AK9: variants seen among roughly 807,000 people sequenced by gnomAD.
AK9 encodes the protein adenylate kinase 9.
Under a neutral mutation model 239.6 loss-of-function variants are expected in AK9, and 191 were observed. The observed-to-expected ratio is 0.80, with a 90% CI of 0.71 to 0.90. AK9 has a LOEUF of 0.90. Among genes scored for constraint, AK9 ranks in the 40% least tolerant of loss-of-function variants. The pLI is 0.00. For synonymous variants in AK9, 689 were observed against 721.0 expected (o/e 0.96, Z 0.71); for missense variants, 1,995 against 2,214.7 (o/e 0.90, Z 1.99).
chr6:109,509,694 A>G (rs1778485385), intron 32 of AK9, among the ~76,000 whole-genome samples: 1 of 152,136 alleles, frequency 6.6e-6, no homozygotes, highest in Admixed American at 6.5e-5. Flanking sequence ...AGCCAGGAGC[A>G]GGTAAGACCT....
At position 109,585,122 on chromosome 6, in the gene AK9, C is replaced by T; in HGVS notation, c.2114+1G>A. 1 of 1,144,598 alleles carries T rather than the reference C, an allele frequency of 8.7e-7. No individual in the cohort carries two copies. The highest frequency in any genetic ancestry group is 1.1e-6 in the Non-Finnish European group (1 of 907,884). 70.9% of individuals were successfully genotyped at this position (1,144,598 alleles called of 1,614,324 possible). A position where few individuals can be genotyped will look rare whatever the true frequency, so the allele number is the denominator to read the frequency against. ...GTTTTATCATTCTAGGCAGATTTTACCTTGCTTCTTCTTCTTCTTTTTTTT... is the reference window on the plus strand; with the variant it reads ...GTTTTATCATTCTAGGCAGATTTTATCTTGCTTCTTCTTCTTCTTTTTTTT... On this transcript the variant is annotated splice_donor_variant, in intron 19 of 40. Coordinates refer to ENST00000424296, the MANE Select transcript of AK9 (RefSeq NM_001145128.3). LOFTEE classifies it high-confidence loss of function.
At chr6:109,644,486 G>T (rs992718295) in intron 9 of AK9, 128 bp downstream of exon 9, 13 of 764,552 alleles carry the variant, frequency 1.7e-5, no homozygotes, top group Non-Finnish European at 2.4e-5. Context: ...TAAGTGTTAA[G>T]ACAGATTGTT....
At chr6:109,620,021 G>A (rs190137048) in intron 12 of AK9, among the ~76,000 whole-genome samples, 2 of 152,150 alleles carry the variant, frequency 1.3e-5, no homozygotes, top group African/African-American at 4.8e-5. Context: ...GGATTTCATT[G>A]TATGAATATA....
At chr6:109,687,968 T>TTGCTTC (rs1236952020) in intron 1 of AK9, among the ~76,000 whole-genome samples, 3 of 152,064 alleles carry the variant, frequency 2.0e-5, no homozygotes, top group African/African-American at 7.3e-5. Context: ...GAGCCAATCT[T>TTGCTTC]TGCTTCTGGT....
chr6:109,658,092 CT>C (rs1296141001), intron 7 of AK9, among the ~76,000 whole-genome samples: 8 of 152,280 alleles, frequency 5.3e-5, no homozygotes, highest in African/African-American at 1.9e-4. Flanking sequence ...ATGTTTCAGG[CT>C]TTTCACAATT....
At chr6:109,544,734 A>G (rs1237312694) in intron 26 of AK9, among the ~76,000 whole-genome samples, 1 of 152,216 alleles carries the variant, frequency 6.6e-6, no homozygotes, top group Non-Finnish European at 1.5e-5. Flanking sequence ...GTATTTCTTT[A>G]TAGCAACGAG....
At chr6:109,533,010 G>A (rs1327866569) in intron 28 of AK9, among the ~76,000 whole-genome samples, 1 of 152,164 alleles carries the variant, frequency 6.6e-6, no homozygotes, top group Non-Finnish European at 1.5e-5. Flanking sequence ...GGAGAGGGAA[G>A]TCTTGGCAGT....
chr6:109,680,331 G>A (rs1234276590), intron 1 of AK9, among the ~76,000 whole-genome samples: 3 of 152,068 alleles, frequency 2.0e-5, no homozygotes, highest in Non-Finnish European at 2.9e-5. Flanking sequence ...TAGCCGAATC[G>A]ATCAAGTGGA....
intron 31 of AK9, among the ~76,000 whole-genome samples, chr6:109,515,228 G>C (rs1295245466): frequency 1.3e-5 from 2 of 152,118 alleles, no homozygotes; most frequent in African/African-American, 4.8e-5. Flanking sequence ...ATACTAGTAG[G>C]GCAAATCCCA....
At chr6:109,611,974 A>G (rs1187203347) in intron 16 of AK9, 36 bp downstream of exon 16, 1 of 1,366,530 alleles carries the variant, frequency 7.3e-7, no homozygotes, top group Non-Finnish European at 1.0e-6. Flanking sequence ...TAGAACCACA[A>G]TCTAAAAGAA....
At chr6:109,526,848 C>T (rs9374092) in intron 29 of AK9, among the ~76,000 whole-genome samples, 88,426 of 151,876 alleles carry the variant, frequency 0.58, 27,422 homozygotes, top group South Asian at 0.84. Context: ...GTGTATCAAC[C>T]TTTGGGTCTA....
Position 109,672,096 on chromosome 6 carries a change from GA to G in AK9, c.234+18del, listed in dbSNP as rs766479721. 6.8e-6 allele frequency: 11 copies of G among 1,612,932 alleles called. No individual in the cohort carries two copies. The African/African-American group carries it at 1.1e-4, about 16-fold the overall frequency. ...CTTTTTTTGTAATCATAGTTACTTT[GA>G]AATTTAGGTTTGTTTACCATAACTC... is the stretch of plus-strand genomic sequence containing the variant. On this transcript the variant is annotated intron_variant, in intron 4 of 40. Transcript: ENST00000424296.
At chr6:109,680,754 C>G (rs1326572186) in intron 1 of AK9, among the ~76,000 whole-genome samples, 1 of 152,180 alleles carries the variant, frequency 6.6e-6, no homozygotes, top group Non-Finnish European at 1.5e-5. Context: ...AACAGTGGAT[C>G]TCTGCAGAAA....
chr6:109,618,918 T>C (rs1455508746), intron 13 of AK9, among the ~76,000 whole-genome samples, 174 bp downstream of exon 13: 1 of 152,166 alleles, frequency 6.6e-6, no homozygotes, highest in African/African-American at 2.4e-5. Flanking sequence ...TGAAAGTTTT[T>C]TTCTCTGCTT....
intron 29 of AK9, among the ~76,000 whole-genome samples, chr6:109,517,007 C>T (rs562135263): frequency 6.6e-6 from 1 of 152,044 alleles, no homozygotes; most frequent in Non-Finnish European, 1.5e-5. Context: ...ATTGGTGAAG[C>T]CTCTGTGCTT....
At chr6:109,573,727 G>C in intron 20 of AK9, 133 bp from the exon 21 acceptor site, 2 of 808,950 alleles carry the variant, frequency 2.5e-6, no homozygotes, top group Admixed American at 6.2e-5. Flanking sequence ...GTTTAATGGG[G>C]GAGATAGAAA....
At chr6:109,530,361 G>A (rs893100724) in intron 28 of AK9, among the ~76,000 whole-genome samples, 2 of 152,114 alleles carry the variant, frequency 1.3e-5, no homozygotes, top group Non-Finnish European at 2.9e-5. Flanking sequence ...TTATAAAACT[G>A]AACTGAATAA....
intron 1 of AK9, among the ~76,000 whole-genome samples, chr6:109,688,887 A>G (rs993661283): frequency 2.0e-5 from 3 of 152,096 alleles, no homozygotes; most frequent in Non-Finnish European, 4.4e-5. Context: ...ATGGCCATAA[A>G]CTGCTAGATA....
chr6:109,584,846 T>C (rs529325290), intron 19 of AK9, among the ~76,000 whole-genome samples: 2 of 152,250 alleles, frequency 1.3e-5, no homozygotes, highest in Admixed American at 6.5e-5. Flanking sequence ...AATATATATA[T>C]CTTACCCATG....
Sources: allele counts gnomAD v4.1 joint callset (sites outside exome capture counted in the v4.1 genomes callset), GRCh38; gene constraint gnomAD v4.1.1; transcripts MANE v1.5; gene names NCBI Gene and HGNC (gene_info 2026-07-23, HGNC 2026-07-21).